Variants in ZBTB16 observed in about 807,000 individuals in gnomAD.
ZBTB16 encodes the protein zinc finger and BTB domain-containing protein 16.
In ZBTB16, 8 loss-of-function variants were observed where a neutral mutation model predicts 56.8. The ratio of observed to expected loss-of-function variants is 0.14; its 90% CI spans 0.08 to 0.25. ZBTB16 has a LOEUF of 0.25. Ranked by LOEUF, ZBTB16 falls within the 10% of genes least tolerant of loss-of-function variation. The pLI, the probability that ZBTB16 is intolerant of heterozygous loss-of-function variation, is 1.00. For missense variants in ZBTB16, 625 were observed against 903.0 expected, an observed-to-expected ratio of 0.69 and a Z score of 3.95; for synonymous variants, 363 against 368.5, an observed-to-expected ratio of 0.98 and a Z score of 0.17.
chr11:114,190,647 G>A (rs976502977), intron 4 of ZBTB16, among the ~76,000 whole-genome samples: 1 of 151,864 alleles, frequency 6.6e-6, no homozygotes, highest in African/African-American at 2.4e-5. Context: ...TCTGAAAAGC[G>A]GCATGGGTGT....
chr11:114,148,378 T>TTCCTTCCTTCC (rs1942170943), intron 2 of ZBTB16, among the ~76,000 whole-genome samples: 9 of 140,984 alleles, frequency 6.4e-5, no homozygotes, highest in African/African-American at 2.5e-4. Context: ...CCTTCCTTCC[T>TTCCTTCCTTCC]TCCTTCCTTC....
rs772030123 is a variant in ZBTB16, at chr11:114,250,591, C to G, written c.*36C>G. The G allele has an allele frequency of 6.2e-7, 1 of 1,604,052 alleles. No homozygotes were observed. The highest frequency in any genetic ancestry group is 8.5e-7 in the Non-Finnish European group (1 of 1,172,584). ...GCGGCGGTGGAGCCGAGCGGGGAGC[C>G]AGGAAAGAAGAGTTGGAGTGAGATG... On this transcript the variant is annotated 3_prime_UTR_variant, in exon 7 of 7. Transcript: ENST00000335953. This position sits in a 1 kb window ranked among gnomAD's most constrained non-coding sequence, Gnocchi z 6.0.
intron 2 of ZBTB16, among the ~76,000 whole-genome samples, chr11:114,107,696 T>C (rs887687516): frequency 2.0e-5 from 3 of 152,234 alleles, no homozygotes; most frequent in African/African-American, 7.2e-5. Context: ...TATATGCATC[T>C]TGGGAGGAGA....
chr11:114,073,643 G>A (rs1354101177), intron 2 of ZBTB16, among the ~76,000 whole-genome samples: 1 of 152,188 alleles, frequency 6.6e-6, no homozygotes, highest in Non-Finnish European at 1.5e-5. Context: ...TTTCTTCGGT[G>A]TGAACAGATT....
At chr11:114,209,850 G>A in intron 4 of ZBTB16, 14 of 985,356 alleles carry the variant, frequency 1.4e-5, no homozygotes, top group Non-Finnish European at 1.7e-5. Context: ...TCCTGCTGTG[G>A]GTCTCATGTT....
chr11:114,248,836 C>A (rs1944862957), intron 6 of ZBTB16, among the ~76,000 whole-genome samples: 1 of 152,182 alleles, frequency 6.6e-6, no homozygotes, highest in Non-Finnish European at 1.5e-5. Flanking sequence ...TGTGACCTGG[C>A]AGGTGGATCA....
In ZBTB16 at chr11:114,242,355, A is replaced by T; in HGVS notation, c.1624+18A>T. The T allele has an allele frequency of 6.2e-7, 1 of 1,612,314 alleles. No individual in the cohort carries two copies. The highest frequency in any genetic ancestry group is 8.5e-7 in the Non-Finnish European group (1 of 1,179,958). On this transcript the variant is annotated intron_variant, in intron 5 of 6. Coordinates refer to ENST00000335953, the MANE Select transcript of ZBTB16 (RefSeq NM_006006.6). ...ACATACAGGTAGGTCAGTCCAGCTG[A>T]TGGGTGGATCTGGGTCTCTGGGAGC...
intron 2 of ZBTB16, among the ~76,000 whole-genome samples, chr11:114,081,297 A>C (rs527611278): frequency 6.6e-6 from 1 of 151,908 alleles, no homozygotes. Context: ...ATGTACATCA[A>C]CTCCTTAGGA....
chr11:114,079,289 C>T (rs1206970623), intron 2 of ZBTB16, among the ~76,000 whole-genome samples: 10 of 152,110 alleles, frequency 6.6e-5, no homozygotes, highest in Non-Finnish European at 1.5e-5. Context: ...TAGCAGAGTG[C>T]AGGTGTACTG....
At chr11:114,112,161 C>T (rs917218664) in intron 2 of ZBTB16, among the ~76,000 whole-genome samples, 8 of 152,256 alleles carry the variant, frequency 5.3e-5, no homozygotes, top group African/African-American at 1.9e-4. Flanking sequence ...TTTCCTTGCA[C>T]ATTTGTTGGT....
At chr11:114,183,185 G>A (rs1012952712) in intron 3 of ZBTB16, among the ~76,000 whole-genome samples, 1 of 152,196 alleles carries the variant, frequency 6.6e-6, no homozygotes, top group Admixed American at 6.5e-5. Flanking sequence ...GCTGACGTTT[G>A]TGTTATCCAC....
At chr11:114,123,437 A>G (rs1398492758) in intron 2 of ZBTB16, among the ~76,000 whole-genome samples, 1 of 152,170 alleles carries the variant, frequency 6.6e-6, no homozygotes, top group Admixed American at 6.5e-5. Context: ...TGGGGTGAAT[A>G]GTCCTGCTGT....
chr11:114,108,213 G>A (rs988374241), intron 2 of ZBTB16, among the ~76,000 whole-genome samples: 2 of 152,048 alleles, frequency 1.3e-5, no homozygotes, highest in Admixed American at 6.6e-5. Flanking sequence ...CCCCAGGCCC[G>A]GACAAAAGAG....
chr11:114,137,016 T>TGTCTGGAATGC (rs1176188371), intron 2 of ZBTB16, among the ~76,000 whole-genome samples: 8 of 152,192 alleles, frequency 5.3e-5, no homozygotes, highest in Non-Finnish European at 1.0e-4. Flanking sequence ...CTGGGAGATC[T>TGTCTGGAATGC]GTCTGGAATG....
intron 6 of ZBTB16, among the ~76,000 whole-genome samples, chr11:114,248,300 G>T (rs1944854862): frequency 6.6e-6 from 1 of 152,230 alleles, no homozygotes; most frequent in Admixed American, 6.5e-5. Context: ...CAAGTTGGGG[G>T]CAGTGAAGTC....
Position 114,250,409 on chromosome 11 carries a change from G to A in ZBTB16, c.1876G>A (p.Gly626Ser), listed in dbSNP as rs1944897011. The A allele has an allele frequency of 2.5e-6, 4 of 1,614,062 alleles. No individual in the cohort carries two copies. The highest frequency in any genetic ancestry group is 1.7e-5 in the Admixed American group (1 of 60,022). The change falls in exon 7 of 7, where the codon GGC becomes AGC. Residue 626 changes from glycine (G) to serine (S), a missense_variant. Physicochemically the swap from Gly to Ser is moderately conservative, Grantham distance 56. Coordinates refer to ENST00000335953, the MANE Select transcript of ZBTB16 (RefSeq NM_006006.6). This position sits in a 1 kb window ranked among gnomAD's most constrained non-coding sequence, Gnocchi z 6.0. The stretch of plus-strand genomic sequence containing the variant: ...GATCAAGCACCTGAGAACGCACAAC[G>A]GCGCCTCGCCCTACCAGTGCACCAT... Reference protein sequence around the residue: ...AMIKHLRTHNGASPYQCTICT... With the variant: ...AMIKHLRTHNSASPYQCTICT...
intron 2 of ZBTB16, among the ~76,000 whole-genome samples, chr11:114,075,211 T>C (rs970081054): frequency 6.6e-6 from 1 of 152,210 alleles, no homozygotes; most frequent in Non-Finnish European, 1.5e-5. Context: ...GAATTGAACC[T>C]GGGTTCGAAT....
intron 2 of ZBTB16, among the ~76,000 whole-genome samples, chr11:114,130,532 G>A (rs906051010): frequency 6.6e-6 from 1 of 152,216 alleles, no homozygotes; most frequent in Non-Finnish European, 1.5e-5. Flanking sequence ...GCGAGCACAC[G>A]CATCTACAAA....
intron 3 of ZBTB16, among the ~76,000 whole-genome samples, chr11:114,185,023 TAAATAAAATA>T (rs927877821): frequency 1.3e-5 from 2 of 150,502 alleles, no homozygotes; most frequent in East Asian, 3.9e-4. Context: ...AATAAATAAA[TAAATAAAATA>T]AAATAAAATA....
Sources: gnomAD v4.1 joint callset for allele counts (sites outside exome capture counted in the v4.1 genomes callset) on GRCh38, gnomAD v4.1.1 for gene constraint, Gnocchi (gnomAD v3.1) non-coding constraint, MANE v1.5 for transcripts, NCBI Gene and HGNC (gene_info 2026-07-23, HGNC 2026-07-21) for gene names.